The following MAP3K13 variants were observed in gnomAD, a reference collection of about 807,000 sequenced individuals.
The protein encoded by MAP3K13 is mitogen-activated protein kinase kinase kinase 13.
In MAP3K13, 52 loss-of-function variants were observed where a neutral mutation model predicts 104.0. That is an observed-to-expected ratio of 0.50 (90% CI 0.40 to 0.63). The LOEUF (loss-of-function observed/expected upper bound fraction) is 0.63. MAP3K13 is among the 20% of genes least tolerant of loss of function. MAP3K13 has a pLI of 0.00. For missense variants in MAP3K13, 914 were observed against 1,218.5 expected (o/e 0.75, Z 3.72); for synonymous variants, 394 against 442.2 (o/e 0.89, Z 1.37).
rs1718756462 is a variant in MAP3K13, at chr3:185,487,175, G to T, written c.*4719G>T. 1 of 151,616 alleles carries T rather than the reference G, an allele frequency of 6.6e-6. No homozygotes were observed. The highest frequency in any genetic ancestry group is 6.6e-5 in the Admixed American group (1 of 15,206). The allele number at this position is 151,616 out of a possible 1,614,324, so 9.4% of individuals were successfully genotyped here. ...GCACCAACCCAGACTTTTTTTGGGGGGGGGTGAGGGCGCAGGATCTCACTC... is the reference window on the plus strand; with the variant it reads ...GCACCAACCCAGACTTTTTTTGGGGTGGGGTGAGGGCGCAGGATCTCACTC... On this transcript the variant is annotated 3_prime_UTR_variant, in exon 14 of 14. Coordinates refer to ENST00000265026, the MANE Select transcript of MAP3K13 (RefSeq NM_004721.5).
rs1229327384 is a variant in MAP3K13 at position 185,455,387 on chromosome 3, TATATC to T, written c.1278+3997_1278+4001del. ...AGATATATATGATATATATGATATA[TATATC>T]ATATATGAGATATATATATGAGATA... On this transcript the variant is annotated intron_variant, in intron 7 of 13. Coordinates refer to ENST00000265026, the MANE Select transcript of MAP3K13 (RefSeq NM_004721.5). 3.9e-5 allele frequency among the ~76,000 whole-genome samples: 3 copies of T among 76,500 alleles called. 1 individual carries two copies. The South Asian group carries it at 1.3e-3, about 32-fold the overall frequency. The allele number at this position is 76,500 out of a possible 152,430, so 50.2% of individuals were successfully genotyped here.
intron 2 of MAP3K13, among the ~76,000 whole-genome samples, chr3:185,435,453 C>T (rs912218189): frequency 6.6e-6 from 1 of 152,192 alleles, no homozygotes; most frequent in African/African-American, 2.4e-5. Flanking sequence ...TAATACTTGT[C>T]CTCTATAGAA....
intron 3 of MAP3K13, 118 bp downstream of exon 3, chr3:185,437,748 T>G: frequency 2.1e-6 from 2 of 966,182 alleles, no homozygotes; most frequent in Non-Finnish European, 3.0e-6. Context: ...AGCACTGTGC[T>G]AGGTGCTTTG....
intron 1 of MAP3K13, among the ~76,000 whole-genome samples, chr3:185,374,658 C>A (rs1258534846): frequency 6.6e-6 from 1 of 152,006 alleles, no homozygotes; most frequent in Non-Finnish European, 1.5e-5. Flanking sequence ...GGTTGGCAAG[C>A]TTTTAGGCTC....
chr3:185,418,168 C>A lies in MAP3K13; in HGVS notation c.-85-10329C>A. 1 of 1,609,970 alleles carries A rather than the reference C, an allele frequency of 6.2e-7. No individual in the cohort carries two copies. The highest frequency in any genetic ancestry group is 8.5e-7 in the Non-Finnish European group (1 of 1,177,744). Reference sequence around the variant, plus strand: ...ATTATAGATGATGCACAGGCCCCTGCGCTGGATACGGCGACGGTTTCTCAT... The same window carrying A: ...ATTATAGATGATGCACAGGCCCCTGAGCTGGATACGGCGACGGTTTCTCAT... On this transcript the variant is annotated intron_variant, in intron 1 of 13. Coordinates refer to ENST00000265026, the MANE Select transcript of MAP3K13 (RefSeq NM_004721.5). The surrounding 1 kb of genome is among the most constrained non-coding windows in gnomAD (Gnocchi z 4.5).
chr3:185,348,335 C>T (rs1343663784), intron 2 of MAP3K13, among the ~76,000 whole-genome samples: 1 of 152,122 alleles, frequency 6.6e-6, no homozygotes, highest in Non-Finnish European at 1.5e-5. Flanking sequence ...GAACTAAAAA[C>T]ACATCTAAGA....
At chr3:185,295,315 C>T (rs1345485027) in intron 2 of MAP3K13, among the ~76,000 whole-genome samples, 3 of 152,158 alleles carry the variant, frequency 2.0e-5, no homozygotes, top group Admixed American at 2.0e-4. Flanking sequence ...AAGCAGTTCT[C>T]TGCCTCTGCC....
intron 3 of MAP3K13, among the ~76,000 whole-genome samples, chr3:185,442,513 A>C (rs1009370545): frequency 7.2e-5 from 11 of 151,788 alleles, no homozygotes; most frequent in Non-Finnish European, 1.6e-4. Flanking sequence ...AAAAGGAAGA[A>C]ATTTTAAATT....
At chr3:185,356,607 A>T (rs1723361877) in intron 2 of MAP3K13, among the ~76,000 whole-genome samples, 2 of 152,178 alleles carry the variant, frequency 1.3e-5, no homozygotes, top group Non-Finnish European at 2.9e-5. Context: ...CTGATGAAAC[A>T]AATGTTCAGC....
intron 3 of MAP3K13, among the ~76,000 whole-genome samples, chr3:185,438,824 C>T (rs1389692118): frequency 6.6e-6 from 1 of 152,116 alleles, no homozygotes; most frequent in Non-Finnish European, 1.5e-5. Flanking sequence ...AAGAACAGGA[C>T]AAGTATCTTT....
At chr3:185,292,972 C>T in intron 2 of MAP3K13, 2 of 984,152 alleles carry the variant, frequency 2.0e-6, no homozygotes, top group Non-Finnish European at 2.4e-6. Context: ...CACAATGCAT[C>T]CCACGTGGTA....
chr3:185,398,427 T>C (rs374135287), intron 1 of MAP3K13, among the ~76,000 whole-genome samples: 1 of 152,224 alleles, frequency 6.6e-6, no homozygotes, highest in Non-Finnish European at 1.5e-5. Context: ...GTAATCTCTC[T>C]ATTCCTATTG....
chr3:185,325,212 A>C (rs1218746948), intron 2 of MAP3K13, among the ~76,000 whole-genome samples: 1 of 152,226 alleles, frequency 6.6e-6, no homozygotes, highest in Non-Finnish European at 1.5e-5. Flanking sequence ...AGTGGGCTAA[A>C]ACCAAAATGT....
intron 1 of MAP3K13, among the ~76,000 whole-genome samples, chr3:185,415,599 T>C (rs1024566027): frequency 2.1e-5 from 3 of 144,856 alleles, no homozygotes; most frequent in Non-Finnish European, 4.5e-5. Context: ...TTTTTTTTTT[T>C]TGAGACAGAG....
chr3:185,376,092 G>T (rs745954792), intron 1 of MAP3K13, among the ~76,000 whole-genome samples: 1 of 152,128 alleles, frequency 6.6e-6, no homozygotes, highest in Non-Finnish European at 1.5e-5. Flanking sequence ...TGTGATCAGG[G>T]TGATAAACAG....
intron 1 of MAP3K13, among the ~76,000 whole-genome samples, chr3:185,393,102 C>T (rs1395852216): frequency 6.6e-6 from 1 of 151,928 alleles, no homozygotes; most frequent in African/African-American, 2.4e-5. Flanking sequence ...ATGCTAATGA[C>T]CTGTGCTAGA....
At chr3:185,302,828 C>A (rs528697405) in intron 2 of MAP3K13, among the ~76,000 whole-genome samples, 188 of 152,146 alleles carry the variant, frequency 1.2e-3, no homozygotes, top group African/African-American at 4.3e-3. Flanking sequence ...CCTTTTATTT[C>A]TTTTTCTTGT....
intron 1 of MAP3K13, among the ~76,000 whole-genome samples, chr3:185,419,526 GAAC>G (rs542046371): frequency 2.5e-4 from 38 of 152,144 alleles, no homozygotes; most frequent in Non-Finnish European, 5.0e-4. Context: ...AAACTTCAAA[GAAC>G]AACAGTAATA....
chr3:185,311,279 C>T (rs1014254036), intron 2 of MAP3K13, among the ~76,000 whole-genome samples: 5 of 151,962 alleles, frequency 3.3e-5, no homozygotes, highest in African/African-American at 4.8e-5. Flanking sequence ...AGAATCATGG[C>T]GGGAGGCAAA....
Sources: gnomAD v4.1 joint callset for allele counts (sites outside exome capture counted in the v4.1 genomes callset) on GRCh38, gnomAD v4.1.1 for gene constraint, Gnocchi (gnomAD v3.1) non-coding constraint, MANE v1.5 for transcripts, NCBI Gene and HGNC (gene_info 2026-07-23, HGNC 2026-07-21) for gene names.